The following LYPD6B variants were observed in gnomAD, a reference collection of about 807,000 sequenced individuals.
LYPD6B encodes ly6/PLAUR domain-containing protein 6B.
LYPD6B carries 17 observed loss-of-function variants against 22.8 expected under a neutral mutation model. The observed-to-expected ratio is 0.75, with a 90% CI of 0.51 to 1.12. The LOEUF (loss-of-function observed/expected upper bound fraction) is 1.12. Among genes scored for constraint, LYPD6B ranks in the 50% most tolerant of loss-of-function variants. LYPD6B has a pLI of 0.00. For synonymous variants in LYPD6B, 106 were observed against 91.6 expected (o/e 1.16, Z -0.90); for missense variants, 221 against 258.3 (o/e 0.86, Z 0.99).
intron 1 of LYPD6B, among the ~76,000 whole-genome samples, chr2:149,071,447 C>T (rs374275775): frequency 3.9e-4 from 59 of 152,218 alleles, no homozygotes; most frequent in African/African-American, 1.2e-3. Context: ...TTGTATCAAT[C>T]GGTTGTCAAA....
At chr2:149,107,606 A>G (rs1686541758) in intron 1 of LYPD6B, among the ~76,000 whole-genome samples, 1 of 152,174 alleles carries the variant, frequency 6.6e-6, no homozygotes, top group Non-Finnish European at 1.5e-5. Flanking sequence ...TTTAAATTTT[A>G]TTTTAAACTT....
At chr2:149,101,839 C>T (rs572536581) in intron 1 of LYPD6B, among the ~76,000 whole-genome samples, 1 of 152,340 alleles carries the variant, frequency 6.6e-6, no homozygotes, top group East Asian at 1.9e-4. Context: ...ATATCAGAGG[C>T]AGGAACTCTG....
chr2:149,194,674 T>C (rs1692697131), intron 3 of LYPD6B, among the ~76,000 whole-genome samples: 1 of 152,180 alleles, frequency 6.6e-6, no homozygotes, highest in Non-Finnish European at 1.5e-5. Context: ...CCAGTCTCAC[T>C]GTCTTTCCAT....
chr2:149,182,640 C>G (rs1243911678), intron 3 of LYPD6B, among the ~76,000 whole-genome samples: 1 of 152,170 alleles, frequency 6.6e-6, no homozygotes, highest in African/African-American at 2.4e-5. Flanking sequence ...CTGTCAGTCC[C>G]TTGAATCAGC....
intron 3 of LYPD6B, among the ~76,000 whole-genome samples, chr2:149,179,779 G>T (rs970749846): frequency 1.3e-5 from 2 of 152,180 alleles, no homozygotes; most frequent in African/African-American, 4.8e-5. Flanking sequence ...GGCACTGTTG[G>T]TTTGTGTATC....
chr2:149,205,417 G>T lies in LYPD6B; in HGVS notation c.229+13G>T. 6.2e-7 allele frequency: 1 copy of T among 1,612,784 alleles called. No individual in the cohort carries two copies. Among genetic ancestry groups the T allele is most frequent in the Non-Finnish European group, 8.5e-7 (1 of 1,179,342 alleles). ...CCTCCTCTCGACCGTAAGTAGTGGT[G>T]GTTGCCATCCTAGTTCATGGCTGTG... On this transcript the variant is annotated intron_variant, in intron 4 of 6. Coordinates refer to ENST00000409642, the MANE Select transcript of LYPD6B (RefSeq NM_177964.5).
intron 1 of LYPD6B, among the ~76,000 whole-genome samples, chr2:149,056,124 G>C (rs1683777031): frequency 1.3e-5 from 2 of 152,178 alleles, no homozygotes; most frequent in Admixed American, 6.5e-5. Context: ...TATTTTAATT[G>C]AAGAACATAT....
At chr2:149,124,848 C>G (rs1687600448) in intron 1 of LYPD6B, among the ~76,000 whole-genome samples, 1 of 152,152 alleles carries the variant, frequency 6.6e-6, no homozygotes, top group Non-Finnish European at 1.5e-5. Flanking sequence ...ACCTCCCGCT[C>G]CCTGTACCAA....
chr2:149,146,070 A>G (rs1159026408), intron 2 of LYPD6B, among the ~76,000 whole-genome samples: 1 of 152,226 alleles, frequency 6.6e-6, no homozygotes, highest in Non-Finnish European at 1.5e-5. Flanking sequence ...TCTGATATTC[A>G]TTAAGCTTCT....
At chr2:149,193,469 A>C (rs527588060) in intron 3 of LYPD6B, among the ~76,000 whole-genome samples, 1 of 152,114 alleles carries the variant, frequency 6.6e-6, no homozygotes, top group Non-Finnish European at 1.5e-5. Context: ...TTTTTTAAAC[A>C]CTTTTTTTCT....
chr2:149,055,947 C>G (rs866684517), intron 1 of LYPD6B, among the ~76,000 whole-genome samples: 4 of 152,182 alleles, frequency 2.6e-5, no homozygotes, highest in Non-Finnish European at 2.9e-5. Flanking sequence ...TCTGACATTC[C>G]TGATCAGTGA....
At chr2:149,049,565 T>C (rs1348924927) in intron 1 of LYPD6B, among the ~76,000 whole-genome samples, 1 of 152,222 alleles carries the variant, frequency 6.6e-6, no homozygotes, top group African/African-American at 2.4e-5. Flanking sequence ...AGTGCTCTTG[T>C]GTCTGGTGTA....
intron 3 of LYPD6B, among the ~76,000 whole-genome samples, chr2:149,197,339 C>A (rs1438759982): frequency 6.6e-6 from 1 of 152,146 alleles, no homozygotes; most frequent in African/African-American, 2.4e-5. Context: ...TGGTGAAACC[C>A]CGTCTCTACT....
intron 3 of LYPD6B, among the ~76,000 whole-genome samples, chr2:149,176,813 T>C (rs913997354): frequency 1.3e-5 from 2 of 152,190 alleles, no homozygotes; most frequent in Non-Finnish European, 2.9e-5. Flanking sequence ...GATTTGGTTC[T>C]AAAAGACGTC....
chr2:149,191,719 G>T (rs1017604660), intron 3 of LYPD6B, among the ~76,000 whole-genome samples: 4 of 152,170 alleles, frequency 2.6e-5, no homozygotes, highest in Admixed American at 6.5e-5. Context: ...GAGAGGCCTG[G>T]TGATTTAGAA....
intron 1 of LYPD6B, among the ~76,000 whole-genome samples, chr2:149,086,250 G>C (rs1362428283): frequency 6.6e-6 from 1 of 152,158 alleles, no homozygotes; most frequent in Non-Finnish European, 1.5e-5. Flanking sequence ...TAAAATCAAA[G>C]GAGGCTACAT....
intron 3 of LYPD6B, among the ~76,000 whole-genome samples, chr2:149,189,830 T>G (rs537541501): frequency 1.3e-5 from 2 of 152,296 alleles, no homozygotes; most frequent in East Asian, 3.9e-4. Flanking sequence ...GGTACCCCTA[T>G]GCCCACCTCC....
At chr2:149,093,107 A>G (rs1014498656) in intron 1 of LYPD6B, among the ~76,000 whole-genome samples, 6 of 152,204 alleles carry the variant, frequency 3.9e-5, no homozygotes, top group African/African-American at 1.2e-4. Context: ...CAAGGCTGTC[A>G]GAAGGTACAG....
chr2:149,092,007 G>A (rs1161700309), intron 1 of LYPD6B, among the ~76,000 whole-genome samples: 3 of 152,014 alleles, frequency 2.0e-5, no homozygotes, highest in Non-Finnish European at 4.4e-5. Flanking sequence ...ATTGGGCTGC[G>A]GGTGGAAGGG....
Sources: gnomAD v4.1 joint callset for allele counts (sites outside exome capture counted in the v4.1 genomes callset) on GRCh38, gnomAD v4.1.1 for gene constraint, MANE v1.5 for transcripts, NCBI Gene and HGNC (gene_info 2026-07-23, HGNC 2026-07-21) for gene names.